The following SHISA6 variants were observed in gnomAD, a reference collection of about 807,000 sequenced individuals.
The protein encoded by SHISA6 is protein shisa-6.
Under a neutral mutation model 47.9 loss-of-function variants are expected in SHISA6, and 22 were observed. The ratio of observed to expected loss-of-function variants is 0.46; its 90% CI spans 0.33 to 0.66. SHISA6 has a LOEUF of 0.66. SHISA6 is among the 30% of genes least tolerant of loss of function. The pLI, the probability that SHISA6 is intolerant of heterozygous loss-of-function variation, is 0.02. For synonymous variants in SHISA6, 388 were observed against 337.8 expected (o/e 1.15, Z -1.63); for missense variants, 680 against 764.6 (o/e 0.89, Z 1.30).
At chr17:11,540,495 G>A (rs1018301992) in intron 3 of SHISA6, among the ~76,000 whole-genome samples, 16 of 152,078 alleles carry the variant, frequency 1.1e-4, no homozygotes, top group African/African-American at 3.9e-4. Flanking sequence ...CATCACTCAG[G>A]CCCAGTTTGG....
At chr17:11,415,158 T>C (rs766040770) in intron 3 of SHISA6, among the ~76,000 whole-genome samples, 12 of 152,188 alleles carry the variant, frequency 7.9e-5, no homozygotes, top group Non-Finnish European at 1.5e-4. Flanking sequence ...GGAGCATTTA[T>C]TCAGCATTAT....
At chr17:11,428,784 T>C (rs946835929) in intron 3 of SHISA6, among the ~76,000 whole-genome samples, 12 of 145,400 alleles carry the variant, frequency 8.3e-5, no homozygotes, top group East Asian at 3.9e-4. Context: ...ACTTTCTTTT[T>C]TTTTTTTTTT....
chr17:11,410,261 G>A (rs909565421), intron 3 of SHISA6, among the ~76,000 whole-genome samples: 20 of 152,168 alleles, frequency 1.3e-4, no homozygotes, highest in African/African-American at 3.9e-4. Flanking sequence ...AACAACCCTC[G>A]GAGGAGGTTG....
At chr17:11,245,860 TAGA>T (rs1567698009) in intron 1 of SHISA6, among the ~76,000 whole-genome samples, 2 of 152,148 alleles carry the variant, frequency 1.3e-5, no homozygotes, top group Non-Finnish European at 2.9e-5. Context: ...TGCTTATTTC[TAGA>T]AGAAGTCAAG....
intron 3 of SHISA6, among the ~76,000 whole-genome samples, chr17:11,492,419 T>A (rs1226117304): frequency 6.6e-6 from 1 of 152,216 alleles, no homozygotes; most frequent in East Asian, 1.9e-4. Flanking sequence ...TTAGAAATCA[T>A]ACTGACTTGA....
At chr17:11,274,741 C>T (rs1208517237) in intron 2 of SHISA6, among the ~76,000 whole-genome samples, 1 of 152,152 alleles carries the variant, frequency 6.6e-6, no homozygotes, top group East Asian at 1.9e-4. Flanking sequence ...ACAGTCCTGG[C>T]CTCAGGGGCT....
At chr17:11,534,157 C>CTTT (rs373384700) in intron 3 of SHISA6, among the ~76,000 whole-genome samples, 12 of 93,182 alleles carry the variant, frequency 1.3e-4, no homozygotes, top group African/African-American at 3.0e-4. Flanking sequence ...TCTTTTTTTT[C>CTTT]TTTTTTTTTT....
At chr17:11,532,476 T>TGC (rs1013396990) in intron 3 of SHISA6, among the ~76,000 whole-genome samples, 6 of 152,066 alleles carry the variant, frequency 3.9e-5, no homozygotes, top group Middle Eastern at 3.4e-3. Context: ...AAATAGGCTG[T>TGC]GCGCGCGCGT....
chr17:11,466,369 T>A (rs1188149855), intron 3 of SHISA6, among the ~76,000 whole-genome samples: 1 of 152,104 alleles, frequency 6.6e-6, no homozygotes, highest in Non-Finnish European at 1.5e-5. Context: ...TGCGATAGCT[T>A]GAGGAAGGGG....
intron 3 of SHISA6, among the ~76,000 whole-genome samples, chr17:11,508,974 A>G (rs1219361554): frequency 6.6e-6 from 1 of 151,688 alleles, no homozygotes; most frequent in African/African-American, 2.4e-5. Context: ...CCTCCTGAGG[A>G]AGAAAAACCT....
intron 3 of SHISA6, among the ~76,000 whole-genome samples, chr17:11,502,141 G>A (rs912149172): frequency 2.6e-5 from 4 of 152,104 alleles, no homozygotes; most frequent in African/African-American, 9.7e-5. Flanking sequence ...CGGGCGCGGT[G>A]GCTCACGCCT....
chr17:11,470,147 C>T (rs1915902401), intron 3 of SHISA6, among the ~76,000 whole-genome samples: 2 of 152,128 alleles, frequency 1.3e-5, no homozygotes, highest in South Asian at 2.1e-4. Context: ...CATCTAGAAC[C>T]GTGGGGGAAT....
chr17:11,527,782 A>C (rs942489541), intron 3 of SHISA6, among the ~76,000 whole-genome samples: 3 of 152,190 alleles, frequency 2.0e-5, no homozygotes, highest in Admixed American at 2.0e-4. Context: ...CAAATCCTAA[A>C]ATATTTACTC....
In SHISA6 at chr17:11,355,491, C is replaced by G. The variant is rs192962037; in HGVS notation, c.800-23923C>G. On this transcript the variant is annotated intron_variant, in intron 2 of 5. Coordinates refer to ENST00000441885, the MANE Select transcript of SHISA6 (RefSeq NM_207386.4). ...AAATGAAGGATGTGGTTTCTAGAAA[C>G]CAGCCAGGTGGGAAGCCATTACCAC... Among the ~76,000 whole-genome samples, 1,011 of 152,250 alleles carry G rather than the reference C, an allele frequency of 6.6e-3. 37 individuals are homozygous for G. The highest frequency in any genetic ancestry group is 0.057 in the Admixed American group (866 of 15,296).
chr17:11,242,140 T>G, intron 1 of SHISA6, 80 bp downstream of exon 1: 1 of 1,522,466 alleles, frequency 6.6e-7, no homozygotes, highest in Non-Finnish European at 8.8e-7. Flanking sequence ...CTCTTCACTC[T>G]CGGCATCATC....
In SHISA6 at chr17:11,359,704, A is replaced by T. The variant is rs547083536; in HGVS notation, c.800-19710A>T. Among the ~76,000 whole-genome samples the T allele has an allele frequency of 1.4e-4, 21 of 152,240 alleles. 1 individual carries two copies. In the East Asian group the frequency reaches 4.1e-3, roughly 29 times the overall value. ...AGAGAAAGAAAAAACAAACTGGTTC[A>T]CCCTTGTCCACGGATTGGTTTTCTT... On this transcript the variant is annotated intron_variant, in intron 2 of 5. Transcript: ENST00000441885.
intron 3 of SHISA6, among the ~76,000 whole-genome samples, chr17:11,404,698 C>A (rs1913889817): frequency 6.6e-6 from 1 of 152,194 alleles, no homozygotes; most frequent in Admixed American, 6.5e-5. Context: ...GTACACTACA[C>A]CCCCACGTAC....
rs1345800876 is a variant in SHISA6, at chr17:11,560,087, T to C, written c.*1783T>C. On this transcript the variant is annotated 3_prime_UTR_variant, in exon 6 of 6. Coordinates refer to ENST00000441885, the MANE Select transcript of SHISA6 (RefSeq NM_207386.4). ...CGAGTGTAGAAGGAGAATTTATTGG[T>C]GTCAGCCCTGGAGATTTTTAATCTA... 6.6e-6 allele frequency: 1 copy of C among 152,230 alleles called. No homozygotes were observed. Among genetic ancestry groups the C allele is most frequent in the African/African-American group, 2.4e-5 (1 of 41,464 alleles). 9.4% of individuals were successfully genotyped at this position (152,230 alleles called of 1,614,324 possible). A position where few individuals can be genotyped will look rare whatever the true frequency, so the allele number is the denominator to read the frequency against.
intron 2 of SHISA6, among the ~76,000 whole-genome samples, chr17:11,307,333 A>G (rs1330228101): frequency 2.0e-5 from 3 of 152,148 alleles, no homozygotes; most frequent in Non-Finnish European, 4.4e-5. Flanking sequence ...GCTCTGCTCC[A>G]TGCATTAGCT....
Sources: allele counts gnomAD v4.1 joint callset (sites outside exome capture counted in the v4.1 genomes callset), GRCh38; gene constraint gnomAD v4.1.1; transcripts MANE v1.5; gene names NCBI Gene and HGNC (gene_info 2026-07-23, HGNC 2026-07-21).